Variants in CTNNA3 observed in about 807,000 individuals in gnomAD.
CTNNA3 encodes the protein catenin alpha 3.
CTNNA3 carries 76 observed loss-of-function variants against 95.7 expected under a neutral mutation model. The observed-to-expected ratio is 0.79, with a 90% CI of 0.66 to 0.96. CTNNA3 has a LOEUF of 0.96. Among genes scored for constraint, CTNNA3 ranks in the 40% least tolerant of loss-of-function variants. The probability of loss-of-function intolerance (pLI) is 0.00; values close to 1 mark genes in which losing one functional copy is unlikely to be tolerated. For missense variants in CTNNA3, 1,191 were observed against 1,089.8 expected (o/e 1.09, Z -1.31); for synonymous variants, 431 against 374.4 (o/e 1.15, Z -1.74).
intron 10 of CTNNA3, among the ~76,000 whole-genome samples, chr10:66,566,827 T>C (rs1842720768): frequency 6.6e-6 from 1 of 151,826 alleles, no homozygotes; most frequent in Non-Finnish European, 1.5e-5. Context: ...AATGTGGATA[T>C]TAGCAAATAA....
chr10:66,900,206 C>T (rs534479662), intron 7 of CTNNA3, among the ~76,000 whole-genome samples: 1 of 152,240 alleles, frequency 6.6e-6, no homozygotes, highest in Admixed American at 6.5e-5. Context: ...TCTGCAGCCT[C>T]CACTGGTGAA....
At chr10:66,873,482 T>C (rs757262939) in intron 7 of CTNNA3, among the ~76,000 whole-genome samples, 1 of 152,174 alleles carries the variant, frequency 6.6e-6, no homozygotes, top group Non-Finnish European at 1.5e-5. Context: ...AATGAACTTT[T>C]TTTTTCATGT....
chr10:66,707,484 A>C (rs917107506), intron 9 of CTNNA3, among the ~76,000 whole-genome samples: 2 of 152,018 alleles, frequency 1.3e-5, no homozygotes, highest in African/African-American at 4.8e-5. Flanking sequence ...TATAGTATCT[A>C]GCAAGGTAGA....
At chr10:66,729,556 T>C (rs1172995663) in intron 9 of CTNNA3, among the ~76,000 whole-genome samples, 1 of 151,662 alleles carries the variant, frequency 6.6e-6, no homozygotes, top group African/African-American at 2.4e-5. Flanking sequence ...AAACCAAACA[T>C]TGTATGTTCT....
rs371281464 is a variant in CTNNA3, at chr10:66,009,281, T to C, written c.2160-20484A>G. On this transcript the variant is annotated intron_variant, in intron 15 of 17. Transcript: ENST00000433211. ...TCTTGTTCTGTTTGGGCTTCCCTTT[T>C]AATTATCCTTAATCCATAGTTTATT... Among the ~76,000 whole-genome samples the C allele has an allele frequency of 1.2e-4, 19 of 152,296 alleles. No individual in the cohort carries two copies. The South Asian group carries it at 3.3e-3, about 27-fold the overall frequency.
intron 9 of CTNNA3, among the ~76,000 whole-genome samples, chr10:66,623,819 T>G (rs1844836748): frequency 6.6e-6 from 1 of 152,144 alleles, no homozygotes; most frequent in Non-Finnish European, 1.5e-5. Flanking sequence ...GTGTTAGAAA[T>G]AAAATATCTT....
chr10:66,154,399 T>G (rs2084368553), intron 13 of CTNNA3, among the ~76,000 whole-genome samples: 1 of 151,704 alleles, frequency 6.6e-6, no homozygotes, highest in African/African-American at 2.4e-5. Flanking sequence ...GACAGGTCTT[T>G]TGGAATCTTA....
At chr10:65,942,237 T>C (rs1054610135) in intron 17 of CTNNA3, among the ~76,000 whole-genome samples, 1 of 152,158 alleles carries the variant, frequency 6.6e-6, no homozygotes. Context: ...TTGGGAATGA[T>C]TGCAAGTAGA....
At chr10:67,309,157 A>AT (rs944476042) in intron 5 of CTNNA3, among the ~76,000 whole-genome samples, 1 of 151,972 alleles carries the variant, frequency 6.6e-6, no homozygotes. Flanking sequence ...AATGCACTCT[A>AT]TTTTTTTGTG....
chr10:66,436,464 A>G (rs1049757724), intron 11 of CTNNA3, among the ~76,000 whole-genome samples: 2 of 146,530 alleles, frequency 1.4e-5, no homozygotes, highest in Non-Finnish European at 3.0e-5. Flanking sequence ...TGTTGGTTTA[A>G]AGTCTGGGTT....
intron 15 of CTNNA3, among the ~76,000 whole-genome samples, chr10:65,993,273 C>A (rs750057994): frequency 3.3e-5 from 5 of 152,162 alleles, no homozygotes; most frequent in African/African-American, 4.8e-5. Flanking sequence ...GTCTAAAGTG[C>A]AGTTTAAATA....
intron 7 of CTNNA3, among the ~76,000 whole-genome samples, chr10:66,873,591 C>A (rs1844499512): frequency 6.6e-6 from 1 of 151,718 alleles, no homozygotes; most frequent in South Asian, 2.1e-4. Flanking sequence ...TTCAAAGAAC[C>A]CAGAAATAAA....
At chr10:67,229,218 C>G (rs1244142688) in intron 5 of CTNNA3, among the ~76,000 whole-genome samples, 1 of 152,114 alleles carries the variant, frequency 6.6e-6, no homozygotes. Context: ...AAACAAAAAT[C>G]ACATGATCAT....
intron 5 of CTNNA3, among the ~76,000 whole-genome samples, chr10:67,477,192 C>T (rs1848047681): frequency 6.6e-6 from 1 of 152,150 alleles, no homozygotes; most frequent in South Asian, 2.1e-4. Context: ...TCTCCCTGTG[C>T]AGACAACTTG....
chr10:66,444,049 C>T (rs183375793), intron 11 of CTNNA3, among the ~76,000 whole-genome samples: 3,060 of 152,038 alleles, frequency 0.02, 91 homozygotes, highest in African/African-American at 0.068. Flanking sequence ...GGAGCCGATG[C>T]GATCAACTGG....
intron 1 of CTNNA3, among the ~76,000 whole-genome samples, chr10:67,675,948 C>T (rs1840526809): frequency 2.0e-5 from 3 of 151,966 alleles, no homozygotes; most frequent in Non-Finnish European, 4.4e-5. Context: ...ATCCTAAGAT[C>T]ATAAATATAT....
intron 13 of CTNNA3, among the ~76,000 whole-genome samples, chr10:66,245,496 G>A (rs2090281207): frequency 6.6e-6 from 1 of 152,206 alleles, no homozygotes; most frequent in Non-Finnish European, 1.5e-5. Flanking sequence ...GCAACAGGAG[G>A]AAATGAGGTA....
At chr10:66,125,658 T>C (rs1034033232) in intron 13 of CTNNA3, among the ~76,000 whole-genome samples, 1 of 152,198 alleles carries the variant, frequency 6.6e-6, no homozygotes, top group Non-Finnish European at 1.5e-5. Context: ...AATGGAGTAT[T>C]CTTCATAAAT....
chr10:67,646,642 G>A (rs910376491), intron 2 of CTNNA3, among the ~76,000 whole-genome samples: 20 of 151,966 alleles, frequency 1.3e-4, no homozygotes, highest in Non-Finnish European at 2.6e-4. Context: ...AGGAAAGGTC[G>A]GCATAGTTTT....
Sources: gnomAD v4.1 joint callset for allele counts (sites outside exome capture counted in the v4.1 genomes callset) on GRCh38, gnomAD v4.1.1 for gene constraint, MANE v1.5 for transcripts, NCBI Gene and HGNC (gene_info 2026-07-23, HGNC 2026-07-21) for gene names.